The following CHTOP variants were observed in gnomAD, a reference collection of about 807,000 sequenced individuals.
The protein encoded by CHTOP is chromatin target of PRMT1.
In CHTOP, 18 loss-of-function variants were observed where a neutral mutation model predicts 33.6. That is an observed-to-expected ratio of 0.54 (90% CI 0.37 to 0.80). The LOEUF (loss-of-function observed/expected upper bound fraction) is 0.80. Among genes scored for constraint, CHTOP ranks in the 30% least tolerant of loss-of-function variants. The pLI, the probability that CHTOP is intolerant of heterozygous loss-of-function variation, is 0.00. For missense variants in CHTOP, 263 were observed against 336.8 expected (o/e 0.78, Z 1.71); for synonymous variants, 117 against 127.7 (o/e 0.92, Z 0.56).
intron 3 of CHTOP, among the ~76,000 whole-genome samples, chr1:153,641,006 A>C (rs1668602861): frequency 6.6e-6 from 1 of 152,242 alleles, no homozygotes; most frequent in South Asian, 2.1e-4. Flanking sequence ...TGAACGCAAG[A>C]GACTTGTGGA....
At chr1:153,638,271 C>T in intron 2 of CHTOP, 24 bp from the exon 3 acceptor site, 5 of 1,609,652 alleles carry the variant, frequency 3.1e-6, no homozygotes, top group Non-Finnish European at 4.2e-6. Context: ...TTTATTTAAA[C>T]ATCCATTTTG....
At chr1:153,638,644 T>A in intron 3 of CHTOP, 196 bp downstream of exon 3, 2 of 621,102 alleles carry the variant, frequency 3.2e-6, no homozygotes, top group Non-Finnish European at 5.8e-6. Flanking sequence ...TCTTTCTCTT[T>A]TAGGGAGTTT....
At chr1:153,643,628 T>C (rs1268115343) in intron 5 of CHTOP, 2 of 314,836 alleles carry the variant, frequency 6.4e-6, no homozygotes, top group Non-Finnish European at 1.2e-5. Context: ...AATTGTATAG[T>C]TGAAAATACC....
At chr1:153,642,177 C>T (rs774276514) in intron 3 of CHTOP, 69 bp from the exon 4 acceptor site, 27 of 1,378,568 alleles carry the variant, frequency 2.0e-5, no homozygotes, top group Non-Finnish European at 2.4e-5. Context: ...TTTCTCTGCA[C>T]TTTGAGTTGC....
chr1:153,644,820 T>C (rs1250202273), intron 5 of CHTOP, among the ~76,000 whole-genome samples: 1 of 152,242 alleles, frequency 6.6e-6, no homozygotes, highest in African/African-American at 2.4e-5. Context: ...TTTTCCTTTA[T>C]TGATAGAATA....
chr1:153,642,231 C>G lies in CHTOP; in HGVS notation c.220-15C>G. 6.3e-7 allele frequency: 1 copy of G among 1,594,980 alleles called. No homozygotes were observed. Among genetic ancestry groups the G allele is most frequent in the Non-Finnish European group, 8.6e-7 (1 of 1,168,008 alleles). ...TTTTTTGATCTCAATCCCCTAACAC[C>G]TTTTCTTCCAGAAGAGCTTAAAGCA... On this transcript the variant is annotated splice_polypyrimidine_tract_variant and intron_variant, in intron 3 of 5. Coordinates refer to ENST00000368694, the MANE Select transcript of CHTOP (RefSeq NM_015607.4).
In CHTOP at chr1:153,636,563, T is replaced by C. The variant is rs4845557; in HGVS notation, c.-17-9T>C. ...GTGATTTGCTCATTTTACGTATTGTTCTTTGTAGATTCTCGGGATTCGAAG... is the reference window on the plus strand; with the variant it reads ...GTGATTTGCTCATTTTACGTATTGTCCTTTGTAGATTCTCGGGATTCGAAG... On this transcript the variant is annotated splice_polypyrimidine_tract_variant and intron_variant, in intron 1 of 5. Transcript: ENST00000368694. 908,728 of 1,606,998 alleles carry C rather than the reference T, an allele frequency of 0.57. 260,478 individuals are homozygous for C. Among genetic ancestry groups the C allele is most frequent in the Admixed American group, 0.74 (44,174 of 59,748 alleles).
intron 3 of CHTOP, among the ~76,000 whole-genome samples, chr1:153,638,724 C>CATAG (rs1238780398): frequency 6.6e-6 from 1 of 152,194 alleles, no homozygotes; most frequent in African/African-American, 2.4e-5. Context: ...TAACCCTTAA[C>CATAG]ATAGATTAAT....
chr1:153,642,647 CAGGTA>C, intron 4 of CHTOP: 1 of 386,616 alleles, frequency 2.6e-6, no homozygotes, highest in East Asian at 4.1e-5. Context: ...TGCGTAACAA[CAGGTA>C]ATTCATGTCA....
At chr1:153,636,088 A>ATTTTTTTTT (rs71093280) in intron 1 of CHTOP, among the ~76,000 whole-genome samples, 2 of 138,696 alleles carry the variant, frequency 1.4e-5, no homozygotes, top group Non-Finnish European at 3.1e-5. Flanking sequence ...TGCACCGCTA[A>ATTTTTTTTT]TTTTTTTTTT....
chr1:153,645,358 T>C lies in CHTOP; in HGVS notation c.*89T>C. Reference sequence around the variant, plus strand: ...AACAGATGAGAAGAAATCTGATTGATGCTGGATGGACCTATCACAATAGGC... The same window carrying C: ...AACAGATGAGAAGAAATCTGATTGACGCTGGATGGACCTATCACAATAGGC... On this transcript the variant is annotated 3_prime_UTR_variant, in exon 6 of 6. Coordinates refer to ENST00000368694, the MANE Select transcript of CHTOP (RefSeq NM_015607.4). The C allele has an allele frequency of 2.3e-6, 3 of 1,284,154 alleles. No individual in the cohort carries two copies. The South Asian group carries it at 4.0e-5, about 17-fold the overall frequency. 79.5% of individuals were successfully genotyped at this position (1,284,154 alleles called of 1,614,324 possible). A position where few individuals can be genotyped will look rare whatever the true frequency, so the allele number is the denominator to read the frequency against.
chr1:153,644,664 C>T (rs1668742852), intron 5 of CHTOP, among the ~76,000 whole-genome samples: 1 of 152,198 alleles, frequency 6.6e-6, no homozygotes, highest in Non-Finnish European at 1.5e-5. Flanking sequence ...CCCTGATGCT[C>T]TGTGCTCTTG....
In CHTOP at chr1:153,634,207, C is replaced by T. The variant is rs1668212213; in HGVS notation, c.-154C>T. On this transcript the variant is annotated 5_prime_UTR_variant, in exon 1 of 6. Transcript: ENST00000368694. ...ACAACGAACTGAGCTCGCATACTACCGCTTACGCATCTAACCAACCGCCCA... is the reference window on the plus strand; with the variant it reads ...ACAACGAACTGAGCTCGCATACTACTGCTTACGCATCTAACCAACCGCCCA... The T allele has an allele frequency of 6.5e-6, 1 of 152,748 alleles. No homozygotes were observed. Among genetic ancestry groups the T allele is most frequent in the South Asian group, 2.1e-4 (1 of 4,844 alleles). 9.5% of individuals were successfully genotyped at this position (152,748 alleles called of 1,614,324 possible). A position where few individuals can be genotyped will look rare whatever the true frequency, so the allele number is the denominator to read the frequency against.
intron 1 of CHTOP, among the ~76,000 whole-genome samples, chr1:153,636,077 A>G (rs1571313514): frequency 7.1e-6 from 1 of 141,356 alleles, no homozygotes; most frequent in Non-Finnish European, 1.5e-5. Flanking sequence ...GCTGGCCACC[A>G]TGCACCGCTA....
At chr1:153,644,576 T>C (rs1266720553) in intron 5 of CHTOP, among the ~76,000 whole-genome samples, 2 of 152,222 alleles carry the variant, frequency 1.3e-5, no homozygotes, top group Admixed American at 1.3e-4. Context: ...TTAGACTTGA[T>C]AAGTTTAAGG....
In CHTOP at chr1:153,642,407, T is replaced by C; in HGVS notation, c.381T>C (p.Leu127=). ...LRGGRATRTL[L]RGGMSLRGQN... is the part of the protein sequence containing the mutation. Reference sequence around the variant, plus strand: ...GGGGACGTGCCACCAGAACCCTACTTAGGGGCGGGATGTCACTCCGAGGTC... The same window carrying C: ...GGGGACGTGCCACCAGAACCCTACTCAGGGGCGGGATGTCACTCCGAGGTC... The change falls in exon 4 of 6, where the codon CTT becomes CTC. Residue 127 remains leucine (L), a synonymous_variant. Coordinates refer to ENST00000368694, the MANE Select transcript of CHTOP (RefSeq NM_015607.4). The C allele has an allele frequency of 6.2e-7, 1 of 1,613,672 alleles. No homozygotes were observed. Among genetic ancestry groups the C allele is most frequent in the Admixed American group, 1.7e-5 (1 of 59,996 alleles).
chr1:153,645,382 G>T lies in CHTOP; in HGVS notation c.*113G>T. The T allele has an allele frequency of 9.8e-7, 1 of 1,019,766 alleles. No individual in the cohort carries two copies. Among genetic ancestry groups the T allele is most frequent in the South Asian group, 1.6e-5 (1 of 62,770 alleles). The allele number at this position is 1,019,766 out of a possible 1,614,324, so 63.2% of individuals were successfully genotyped here. A position where few individuals can be genotyped will look rare whatever the true frequency, so the allele number is the denominator to read the frequency against. On this transcript the variant is annotated 3_prime_UTR_variant, in exon 6 of 6. Transcript: ENST00000368694. ...ATGCTGGATGGACCTATCACAATAG[G>T]CTGTGGACTTACTTGCCACCAGCTT... is the stretch of plus-strand genomic sequence containing the variant.
intron 2 of CHTOP, 164 bp from the exon 3 acceptor site, chr1:153,638,131 T>G (rs777249519): frequency 2.0e-4 from 130 of 656,072 alleles, no homozygotes; most frequent in Non-Finnish European, 5.0e-5. Context: ...TGCAAGTTTG[T>G]GGAAACAGAG....
chr1:153,636,678 A>G, intron 2 of CHTOP, 25 bp downstream of exon 2: 1 of 1,605,040 alleles, frequency 6.2e-7, no homozygotes. Flanking sequence ...AGCAACTTCA[A>G]CTCCTTCCTA....
Sources: allele counts gnomAD v4.1 joint callset (sites outside exome capture counted in the v4.1 genomes callset), GRCh38; gene constraint gnomAD v4.1.1; transcripts MANE v1.5; gene names NCBI Gene and HGNC (gene_info 2026-07-23, HGNC 2026-07-21).